The following MFAP1 variants were observed in gnomAD, a reference collection of about 807,000 sequenced individuals.
MFAP1 encodes microfibril associated protein 1, also known as microfibrillar-associated protein 1.
Under a neutral mutation model 62.2 loss-of-function variants are expected in MFAP1, and 18 were observed. That is an observed-to-expected ratio of 0.29 (90% confidence interval 0.20 to 0.43). The LOEUF is 0.43. Ranked by LOEUF, MFAP1 falls within the 20% of genes least tolerant of loss-of-function variation. MFAP1 has a pLI of 1.00. For missense variants in MFAP1, 355 were observed against 559.7 expected (o/e 0.63, Z 3.69); for synonymous variants, 175 against 180.4 (o/e 0.97, Z 0.24).
chr15:43,812,587 T>G (rs574193435), intron 6 of MFAP1, among the ~76,000 whole-genome samples: 18 of 152,282 alleles, frequency 1.2e-4, no homozygotes, highest in Admixed American at 1.2e-3. Flanking sequence ...TGGATGCAAC[T>G]ACATAAGTAA....
At chr15:43,823,127 G>A (rs1223002014) in intron 1 of MFAP1, among the ~76,000 whole-genome samples, 3 of 151,634 alleles carry the variant, frequency 2.0e-5, no homozygotes, top group Non-Finnish European at 2.9e-5. Flanking sequence ...GTGAGCCACC[G>A]CGCCGGGCCC....
intron 1 of MFAP1, among the ~76,000 whole-genome samples, chr15:43,823,846 GC>G (rs1265052279): frequency 7.2e-5 from 11 of 152,256 alleles, no homozygotes; most frequent in Non-Finnish European, 1.5e-4. Flanking sequence ...AGATACGGCG[GC>G]ATCTACTCGG....
chr15:43,813,483 C>CA (rs2087415722), intron 4 of MFAP1, 126 bp from the exon 5 acceptor site: 1 of 746,702 alleles, frequency 1.3e-6, no homozygotes, highest in South Asian at 2.3e-5. Flanking sequence ...TTTCAAAGAG[C>CA]AAAAAACGCT....
chr15:43,817,561 A>C (rs2141710871), intron 1 of MFAP1, 113 bp from the exon 2 acceptor site: 2 of 1,066,902 alleles, frequency 1.9e-6, no homozygotes, highest in Non-Finnish European at 2.7e-6. Context: ...GTCTAAGCAG[A>C]AGAAGAAGAG....
intron 1 of MFAP1, among the ~76,000 whole-genome samples, chr15:43,824,164 A>G (rs2087484412): frequency 6.6e-6 from 1 of 151,124 alleles, no homozygotes. Flanking sequence ...ACTAATACAT[A>G]TATTCTAGCA....
At chr15:43,807,764 T>C (rs921056860) in intron 7 of MFAP1, among the ~76,000 whole-genome samples, 15 of 152,246 alleles carry the variant, frequency 9.9e-5, no homozygotes, top group African/African-American at 3.6e-4. Flanking sequence ...CTTTTACTTA[T>C]GTTATAGTGA....
At chr15:43,815,116 A>G in intron 2 of MFAP1, 42 bp from the exon 3 acceptor site, 1 of 1,611,748 alleles carries the variant, frequency 6.2e-7, no homozygotes, top group Non-Finnish European at 8.5e-7. Context: ...ATGTCATAAA[A>G]ATGAAGTAGC....
At chr15:43,819,446 AT>A (rs901389562) in intron 1 of MFAP1, among the ~76,000 whole-genome samples, 59 of 152,110 alleles carry the variant, frequency 3.9e-4, no homozygotes, top group African/African-American at 1.4e-3. Context: ...CTAGCCTACT[AT>A]TTTTTAAAGT....
At chr15:43,807,628 G>A (rs888394481) in intron 7 of MFAP1, among the ~76,000 whole-genome samples, 9 of 151,890 alleles carry the variant, frequency 5.9e-5, no homozygotes, top group African/African-American at 1.9e-4. Context: ...GATTACAGGC[G>A]TGAGCCACCG....
intron 4 of MFAP1, among the ~76,000 whole-genome samples, chr15:43,813,966 G>T (rs375287030): frequency 1.3e-5 from 2 of 152,070 alleles, no homozygotes; most frequent in African/African-American, 4.8e-5. Context: ...AAAAATATAT[G>T]GCCTTGGCTT....
intron 1 of MFAP1, among the ~76,000 whole-genome samples, chr15:43,821,791 T>C (rs1236681353): frequency 6.6e-6 from 1 of 152,112 alleles, no homozygotes; most frequent in African/African-American, 2.4e-5. Flanking sequence ...CAATTTAATA[T>C]ATACAAACAC....
chr15:43,821,940 C>T (rs2087469275), intron 1 of MFAP1, among the ~76,000 whole-genome samples: 1 of 151,134 alleles, frequency 6.6e-6, no homozygotes, highest in African/African-American at 2.4e-5. Flanking sequence ...AAACTAGAAA[C>T]GTGTGTAAGA....
At chr15:43,821,214 T>A (rs1270705744) in intron 1 of MFAP1, among the ~76,000 whole-genome samples, 1 of 152,156 alleles carries the variant, frequency 6.6e-6, no homozygotes, top group East Asian at 1.9e-4. Flanking sequence ...ACAAGGCTTT[T>A]AGGAGGAAAA....
intron 6 of MFAP1, among the ~76,000 whole-genome samples, chr15:43,811,265 A>G (rs1457584909): frequency 2.0e-5 from 3 of 150,150 alleles, no homozygotes; most frequent in Admixed American, 6.6e-5. Flanking sequence ...AAATACAAAA[A>G]TTAGCTGGGC....
At chr15:43,805,526 TTTA>T in intron 7 of MFAP1, 61 bp from the exon 8 acceptor site, 1 of 1,340,054 alleles carries the variant, frequency 7.5e-7, no homozygotes, top group South Asian at 1.3e-5. Context: ...AAACCACAAA[TTTA>T]TTAAACTCTA....
chr15:43,817,142 T>C (rs1483414535), intron 2 of MFAP1, 87 bp downstream of exon 2: 1 of 1,281,120 alleles, frequency 7.8e-7, no homozygotes, highest in Non-Finnish European at 1.1e-6. Context: ...TGTAATCTAC[T>C]TGGTAGTACT....
Position 43,815,073 on chromosome 15 carries a change from A to G in MFAP1, c.301T>C (p.Leu101=). ...TCCACTATTTTTCGATGTCGAGCCAATCTGAAAAACAGTATCTCCAAATGT... is the reference window on the plus strand; with the variant it reads ...TCCACTATTTTTCGATGTCGAGCCAGTCTGAAAAACAGTATCTCCAAATGT... ...NRISEDVEER[L]ARHRKIVEPE... The change falls in exon 3 of 9, where the codon TTG becomes CTG. Residue 101 remains leucine (L), a splice_region_variant and synonymous_variant. Coordinates refer to ENST00000267812, the MANE Select transcript of MFAP1 (RefSeq NM_005926.3). 6.2e-7 allele frequency: 1 copy of G among 1,614,044 alleles called. No homozygotes were observed. The highest frequency in any genetic ancestry group is 2.2e-5 in the East Asian group (1 of 44,886).
rs775672414 is a variant in MFAP1, at chr15:43,813,107, T to C, written c.767A>G (p.Lys256Arg). The C allele has an allele frequency of 1.2e-5, 19 of 1,614,104 alleles. No homozygotes were observed. The highest frequency in any genetic ancestry group is 1.6e-5 in the Non-Finnish European group (19 of 1,180,046). ...TGCATCCAATGCAGCCAGGGATCGC[T>C]TGTTCTCTTCCAGCTCTTTTTTGGT... ...EETKKELEEN[K>R]RSLAALDALN... is the part of the protein sequence containing the mutation. Residue 256 changes from lysine to arginine, a missense_variant, in exon 6 of 9, where the codon AAG (lysine) becomes AGG (arginine). By Grantham distance (26) the Lys-to-Arg change is conservative (BLOSUM62 2). Transcript: ENST00000267812.
chr15:43,817,735 C>G (rs760504448), intron 1 of MFAP1, among the ~76,000 whole-genome samples: 8 of 152,132 alleles, frequency 5.3e-5, no homozygotes, highest in African/African-American at 9.7e-5. Context: ...AGTCCCCCCC[C>G]AAAAAGGCAG....
Sources: gnomAD v4.1 joint callset for allele counts (sites outside exome capture counted in the v4.1 genomes callset) on GRCh38, gnomAD v4.1.1 for gene constraint, MANE v1.5 for transcripts, NCBI Gene and HGNC (gene_info 2026-07-23, HGNC 2026-07-21) for gene names.